The following CD96 variants were observed in gnomAD, a reference collection of about 807,000 sequenced individuals.
CD96 encodes CD96 molecule.
A neutral mutation model predicts 71.3 loss-of-function variants in CD96; 70 were observed. That is an observed-to-expected ratio of 0.98 (90% CI 0.81 to 1.20). CD96 has a LOEUF of 1.20. Among genes scored for constraint, CD96 ranks in the 50% most tolerant of loss-of-function variants. The probability of loss-of-function intolerance (pLI) is 0.00; values close to 1 mark genes in which losing one functional copy is unlikely to be tolerated. For missense variants in CD96, 742 were observed against 677.5 expected (o/e 1.10, Z -1.06); for synonymous variants, 248 against 233.0 (o/e 1.06, Z -0.59).
intron 8 of CD96, among the ~76,000 whole-genome samples, chr3:111,611,491 G>A (rs1316999414): frequency 6.6e-6 from 1 of 152,222 alleles, no homozygotes; most frequent in Non-Finnish European, 1.5e-5. Flanking sequence ...GAGAGAGTCT[G>A]CAAGACAGTG....
intron 9 of CD96, 141 bp from the exon 10 acceptor site, chr3:111,624,192 C>T (rs974936610): frequency 1.4e-6 from 1 of 704,514 alleles, no homozygotes; most frequent in Non-Finnish European, 2.6e-6. Context: ...AATATGCCAG[C>T]TAGTGTTCCT....
intron 8 of CD96, among the ~76,000 whole-genome samples, chr3:111,620,633 G>A (rs986030018): frequency 8.3e-4 from 126 of 152,278 alleles, no homozygotes; most frequent in Non-Finnish European, 1.7e-3. Context: ...CAATAGGAGC[G>A]AAATAACTTT....
At chr3:111,646,843 A>C (rs1361452504) in intron 12 of CD96, among the ~76,000 whole-genome samples, 1 of 152,116 alleles carries the variant, frequency 6.6e-6, no homozygotes, top group East Asian at 1.9e-4. Flanking sequence ...TGACTGGATA[A>C]AGAAAACGTG....
chr3:111,553,075 G>A (rs1397073004), intron 2 of CD96, among the ~76,000 whole-genome samples: 1 of 148,914 alleles, frequency 6.7e-6, no homozygotes, highest in Non-Finnish European at 1.5e-5. Context: ...AAAAGATAAA[G>A]ATGTCATTAA....
chr3:111,615,145 T>C (rs1039615802), intron 8 of CD96, among the ~76,000 whole-genome samples: 35 of 152,330 alleles, frequency 2.3e-4, no homozygotes, highest in African/African-American at 7.9e-4. Flanking sequence ...AAGTATTCCA[T>C]TTAAAAATTT....
rs1417290634 is a variant in CD96 at position 111,562,811 on chromosome 3, T to A, written c.419-4712T>A. On this transcript the variant is annotated intron_variant, in intron 2 of 13. Coordinates refer to ENST00000352690, the MANE Select transcript of CD96 (RefSeq NM_005816.5). ...GTGTAGTTTCCTAGTCAGGGTATAA[T>A]CTGTGAAGTCTTTATCTTAGCCATT... Among the ~76,000 whole-genome samples, 4 of 152,202 alleles carry A rather than the reference T, an allele frequency of 2.6e-5. No individual in the cohort carries two copies. In the East Asian group the frequency reaches 5.8e-4, roughly 22 times the overall value.
chr3:111,555,618 G>C (rs921869707), intron 2 of CD96, among the ~76,000 whole-genome samples: 1 of 152,304 alleles, frequency 6.6e-6, no homozygotes, highest in Non-Finnish European at 1.5e-5. Flanking sequence ...TGTTTGGTTG[G>C]TTGGTTTTTG....
In CD96 at chr3:111,652,200, A is replaced by G. The variant is rs1441705413; in HGVS notation, c.*2394A>G. On this transcript the variant is annotated 3_prime_UTR_variant, in exon 14 of 14. Coordinates refer to ENST00000352690, the MANE Select transcript of CD96 (RefSeq NM_005816.5). Reference sequence around the variant, plus strand: ...TTGTTACATAGCGACAGATAACTATACAGCTCAACAACTAGAAAAATAAAC... The same window carrying G: ...TTGTTACATAGCGACAGATAACTATGCAGCTCAACAACTAGAAAAATAAAC... 1 of 152,190 alleles carries G rather than the reference A, an allele frequency of 6.6e-6. No individual in the cohort carries two copies. The highest frequency in any genetic ancestry group is 1.5e-5 in the Non-Finnish European group (1 of 68,028). 9.4% of individuals were successfully genotyped at this position (152,190 alleles called of 1,614,324 possible).
intron 10 of CD96, among the ~76,000 whole-genome samples, chr3:111,626,165 G>T (rs936709512): frequency 6.6e-6 from 1 of 151,972 alleles, no homozygotes; most frequent in East Asian, 1.9e-4. Flanking sequence ...GCCAGGCGTG[G>T]TGGTGGGCAC....
intron 5 of CD96, among the ~76,000 whole-genome samples, chr3:111,591,618 C>G (rs1200253848): frequency 1.3e-5 from 2 of 151,966 alleles, no homozygotes; most frequent in Non-Finnish European, 2.9e-5. Context: ...TCTTTTGCAA[C>G]ATAATAAGGT....
At chr3:111,641,950 A>T (rs1362267685) in intron 12 of CD96, among the ~76,000 whole-genome samples, 1 of 152,208 alleles carries the variant, frequency 6.6e-6, no homozygotes, top group Non-Finnish European at 1.5e-5. Context: ...TTCGAACTGA[A>T]TGACAGTAAT....
chr3:111,589,722 C>T (rs1451807290), intron 5 of CD96, among the ~76,000 whole-genome samples: 1 of 152,184 alleles, frequency 6.6e-6, no homozygotes, highest in Non-Finnish European at 1.5e-5. Flanking sequence ...AAAGTCTTAA[C>T]AACTGGCTGA....
chr3:111,585,787 T>C (rs2292515), intron 5 of CD96, among the ~76,000 whole-genome samples: 71,126 of 151,958 alleles, frequency 0.47, 18,824 homozygotes, highest in Non-Finnish European at 0.6. Flanking sequence ...CCATTGTTTT[T>C]ATTTCAAAGT....
At chr3:111,566,427 A>T (rs1296172362) in intron 2 of CD96, among the ~76,000 whole-genome samples, 1 of 152,164 alleles carries the variant, frequency 6.6e-6, no homozygotes, top group Non-Finnish European at 1.5e-5. Flanking sequence ...ATAAAATGAC[A>T]TGAAGCCCCC....
At position 111,567,515 on chromosome 3, in the gene CD96, TGTTACA is replaced by T; in HGVS notation, c.419_424del. 1 of 1,605,902 alleles carries T rather than the reference TGTTACA, an allele frequency of 6.2e-7. No homozygotes were observed. Among genetic ancestry groups the T allele is most frequent in the Non-Finnish European group, 8.5e-7 (1 of 1,172,800 alleles). Reference sequence around the variant, plus strand: ...TTCACATATTTTCTACCTTATGTTTTGTTACAGTTACAGCAGATGAATGGAACAGCA... The same window carrying T: ...TTCACATATTTTCTACCTTATGTTTTGTTACAGCAGATGAATGGAACAGCA... On this transcript the variant is annotated splice_acceptor_variant and splice_polypyrimidine_tract_variant and intron_variant, in intron 2 of 13. Transcript: ENST00000352690. LOFTEE classifies it high-confidence loss of function.
At chr3:111,655,950 A>G (rs925762095), downstream of CD96, among the ~76,000 whole-genome samples, 3 of 151,624 alleles carry the variant, frequency 2.0e-5, no homozygotes, top group East Asian at 1.9e-4. Context: ...ATACATCTAT[A>G]TAACTGCAAT....
chr3:111,605,640 T>A (rs1408013148), intron 7 of CD96, among the ~76,000 whole-genome samples: 2 of 152,162 alleles, frequency 1.3e-5, no homozygotes, highest in Non-Finnish European at 2.9e-5. Context: ...CATATAGTAG[T>A]GGATCAGAGC....
At position 111,577,562 on chromosome 3, in the gene CD96, C is replaced by A; in HGVS notation, c.544-1465C>A. 3.2e-6 allele frequency: 5 copies of A among 1,557,104 alleles called. No homozygotes were observed. Among genetic ancestry groups the A allele is most frequent in the Non-Finnish European group, 4.4e-6 (5 of 1,128,082 alleles). The stretch of plus-strand genomic sequence containing the variant: ...TAAGGGTATAAAGGTATGTAAATTG[C>A]TGCAGGAAAAAGAATTCAGCAGAGT... On this transcript the variant is annotated intron_variant, in intron 3 of 13. Coordinates refer to ENST00000352690, the MANE Select transcript of CD96 (RefSeq NM_005816.5).
At chr3:111,563,208 A>G (rs756260967) in intron 2 of CD96, among the ~76,000 whole-genome samples, 3 of 152,350 alleles carry the variant, frequency 2.0e-5, no homozygotes, top group Non-Finnish European at 2.9e-5. Flanking sequence ...AAATTTCAAC[A>G]TGCATTTCAG....
Sources: gnomAD v4.1 joint callset for allele counts (sites outside exome capture counted in the v4.1 genomes callset) on GRCh38, gnomAD v4.1.1 for gene constraint, MANE v1.5 for transcripts, NCBI Gene and HGNC (gene_info 2026-07-23, HGNC 2026-07-21) for gene names.